Variants in KAZN observed in about 807,000 individuals in gnomAD.
KAZN encodes kazrin, periplakin interacting protein.
A neutral mutation model predicts 87.4 loss-of-function variants in KAZN; 40 were observed. That is an observed-to-expected ratio of 0.46 (90% CI 0.36 to 0.60). The LOEUF (loss-of-function observed/expected upper bound fraction) is 0.60, where lower values mean the gene tolerates loss of function less well. Ranked by LOEUF, KAZN falls within the 20% of genes least tolerant of loss-of-function variation. The probability of loss-of-function intolerance (pLI) is 0.00; values close to 1 mark genes in which losing one functional copy is unlikely to be tolerated. For missense variants in KAZN, 898 were observed against 1,073.9 expected (o/e 0.84, Z 2.29); for synonymous variants, 466 against 458.3 (o/e 1.02, Z -0.22).
chr1:14,108,206 G>C (rs1407556920), intron 1 of KAZN, among the ~76,000 whole-genome samples: 1 of 151,754 alleles, frequency 6.6e-6, no homozygotes, highest in Non-Finnish European at 1.5e-5. Flanking sequence ...TCACCTTCAG[G>C]TCTTTGCTTG....
intron 2 of KAZN, among the ~76,000 whole-genome samples, chr1:15,010,386 CTTTT>C (rs34697316): frequency 1.3e-5 from 1 of 78,218 alleles, no homozygotes; most frequent in African/African-American, 5.2e-5. Flanking sequence ...GGTTGTCTTG[CTTTT>C]TTTTTTTTTT....
intron 1 of KAZN, among the ~76,000 whole-genome samples, chr1:14,915,051 G>C (rs1291067033): frequency 2.0e-5 from 3 of 152,274 alleles, no homozygotes; most frequent in Admixed American, 1.3e-4. Context: ...GCCGGGCGTG[G>C]TGGTGCATGC....
At chr1:13,929,047 CTT>C (rs33984927) in intron 1 of KAZN, among the ~76,000 whole-genome samples, 48,280 of 101,218 alleles carry the variant, frequency 0.48, 11,242 homozygotes, top group Middle Eastern at 0.6. Context: ...AGCTTCAAGG[CTT>C]TTTTTTTTTT....
chr1:14,341,083 G>C (rs186181643), intron 2 of KAZN, among the ~76,000 whole-genome samples: 2,346 of 151,702 alleles, frequency 0.015, 65 homozygotes, highest in African/African-American at 0.054. Flanking sequence ...AGATTGGGGG[G>C]GGTTTCACCA....
intron 2 of KAZN, among the ~76,000 whole-genome samples, chr1:15,016,028 G>C (rs528206787): frequency 4.6e-5 from 7 of 152,302 alleles, no homozygotes; most frequent in Non-Finnish European, 1.0e-4. Context: ...TTTGCAAACA[G>C]ATTCTTGGCC....
intron 1 of KAZN, among the ~76,000 whole-genome samples, chr1:14,746,650 G>A (rs1644268772): frequency 6.6e-6 from 1 of 152,088 alleles, no homozygotes; most frequent in Admixed American, 6.6e-5. Flanking sequence ...CTGGGGTCAG[G>A]GAGGGAGGGT....
At chr1:14,287,671 T>C (rs971696495) in intron 2 of KAZN, among the ~76,000 whole-genome samples, 2 of 152,234 alleles carry the variant, frequency 1.3e-5, no homozygotes, top group Admixed American at 1.3e-4. Context: ...ATACCCTTTA[T>C]TTCTTTCTCT....
At chr1:14,893,177 C>A (rs569815949) in intron 1 of KAZN, among the ~76,000 whole-genome samples, 2 of 152,170 alleles carry the variant, frequency 1.3e-5, no homozygotes, top group East Asian at 1.9e-4. Context: ...ACCAACCAGA[C>A]CAACATGGTG....
At chr1:14,981,774 T>C (rs36105374) in intron 2 of KAZN, among the ~76,000 whole-genome samples, 47,224 of 152,196 alleles carry the variant, frequency 0.31, 7,533 homozygotes, top group South Asian at 0.36. Context: ...TCCTTGCTGG[T>C]TGTGGTTGGC....
chr1:14,686,080 GT>G (rs1468972270), intron 1 of KAZN, among the ~76,000 whole-genome samples: 3 of 151,904 alleles, frequency 2.0e-5, no homozygotes, highest in Non-Finnish European at 1.5e-5. Flanking sequence ...TGTTTGTTTT[GT>G]TTTTTTGAGA....
intron 2 of KAZN, among the ~76,000 whole-genome samples, chr1:14,579,888 A>T (rs912973788): frequency 1.3e-5 from 2 of 151,374 alleles, no homozygotes; most frequent in Admixed American, 1.3e-4. Context: ...CAGAGAACCC[A>T]GTGTGAGGCT....
intron 2 of KAZN, among the ~76,000 whole-genome samples, chr1:14,414,043 G>A (rs1451705761): frequency 6.6e-6 from 1 of 152,172 alleles, no homozygotes. Context: ...GCTACAGGCA[G>A]GAAGCCAAGG....
At chr1:14,335,645 C>A (rs1223039484) in intron 2 of KAZN, among the ~76,000 whole-genome samples, 1 of 152,098 alleles carries the variant, frequency 6.6e-6, no homozygotes, top group East Asian at 1.9e-4. Context: ...GTATGGCCTG[C>A]AAAACTGTGA....
chr1:14,462,049 ATATTGTTC>A (rs1667882002), intron 2 of KAZN, among the ~76,000 whole-genome samples: 1 of 151,526 alleles, frequency 6.6e-6, no homozygotes, highest in East Asian at 2.0e-4. Flanking sequence ...GTTTCCTAGA[ATATTGTTC>A]TAGGATTGTG....
intron 7 of KAZN, 136 bp from the exon 8 acceptor site, chr1:15,065,494 C>G: frequency 1.3e-6 from 1 of 755,174 alleles, no homozygotes; most frequent in South Asian, 1.8e-5. Flanking sequence ...CATCCCAGCC[C>G]GTCCCTGACC....
chr1:14,600,823 C>T (rs1171874494), intron 1 of KAZN, among the ~76,000 whole-genome samples: 6 of 152,194 alleles, frequency 3.9e-5, no homozygotes, highest in African/African-American at 1.4e-4. Context: ...TCGTTTATTT[C>T]CCACTGTCTG....
At chr1:13,950,766 T>C (rs779280786) in intron 1 of KAZN, among the ~76,000 whole-genome samples, 22 of 152,186 alleles carry the variant, frequency 1.4e-4, no homozygotes, top group Admixed American at 7.2e-4. Flanking sequence ...GACTTCTCTA[T>C]GTGCCTCCCA....
At chr1:14,551,713 G>A (rs1480599840) in intron 2 of KAZN, among the ~76,000 whole-genome samples, 2 of 152,154 alleles carry the variant, frequency 1.3e-5, no homozygotes, top group Non-Finnish European at 2.9e-5. Context: ...AGACATCTAA[G>A]CCTCCCAACC....
In KAZN at chr1:14,599,010, A is replaced by G; in HGVS notation, c.13A>G (p.Asn5Asp). The G allele has an allele frequency of 6.4e-7, 1 of 1,571,316 alleles. No individual in the cohort carries two copies. The highest frequency in any genetic ancestry group is 8.6e-7 in the Non-Finnish European group (1 of 1,162,444). Residue 5 changes from asparagine to aspartate, a missense_variant, in exon 1 of 15, where the codon AAT (asparagine) becomes GAT (aspartate). By Grantham distance (23) the Asn-to-Asp change is conservative. Coordinates refer to ENST00000376030, the MANE Select transcript of KAZN (RefSeq NM_201628.3). The surrounding 1 kb of genome is among the most constrained non-coding windows in gnomAD (Gnocchi z 4.4). Reference protein sequence around the residue: MMEDNKQLALRIDGA... With the variant: MMEDDKQLALRIDGA... Reference sequence around the variant, plus strand: ...CAAAATCCTGAGCATGATGGAAGACAATAAGCAGCTCGCGCTCCGCATCGA... The same window carrying G: ...CAAAATCCTGAGCATGATGGAAGACGATAAGCAGCTCGCGCTCCGCATCGA...
Sources: gnomAD v4.1 joint callset for allele counts (sites outside exome capture counted in the v4.1 genomes callset) on GRCh38, gnomAD v4.1.1 for gene constraint, Gnocchi (gnomAD v3.1) non-coding constraint, MANE v1.5 for transcripts, NCBI Gene and HGNC (gene_info 2026-07-23, HGNC 2026-07-21) for gene names.